JAG1: variants seen among roughly 807,000 people sequenced by gnomAD.
JAG1 encodes jagged canonical Notch ligand 1, also known as protein jagged-1.
In JAG1, 23 loss-of-function variants were observed where a neutral mutation model predicts 148.7. The ratio of observed to expected loss-of-function variants is 0.15; its 90% CI spans 0.11 to 0.22. The LOEUF (loss-of-function observed/expected upper bound fraction) is 0.22, where lower values mean the gene tolerates loss of function less well. Ranked by LOEUF, JAG1 falls within the 10% of genes least tolerant of loss-of-function variation. The pLI is 1.00. For missense variants in JAG1, 1,054 were observed against 1,611.2 expected (o/e 0.65, Z 5.92); for synonymous variants, 572 against 598.3 (o/e 0.96, Z 0.64).
At position 10,647,994 on chromosome 20, in the gene JAG1, G is replaced by A; in HGVS notation, c.1686C>T (p.His562=). 1 of 1,614,204 alleles carries A rather than the reference G, an allele frequency of 6.2e-7. No homozygotes were observed. The highest frequency in any genetic ancestry group is 8.5e-7 in the Non-Finnish European group (1 of 1,180,026). ...GGGTCGTGCGGCAGTGGTCTTTCAG[G>A]TGTGAGCAGTTCTTGCCCTCATAGT... ...PEDYEGKNCS[H]LKDHCRTTPC... Residue 562 remains histidine, a synonymous_variant, in exon 13 of 26, where the codon CAC becomes CAT. Coordinates refer to ENST00000254958, the MANE Select transcript of JAG1 (RefSeq NM_000214.3).
rs1346978493 is a variant in JAG1, at chr20:10,673,058, G to T, written c.82-52C>A. On this transcript the variant is annotated intron_variant, in intron 1 of 25. Transcript: ENST00000254958. The surrounding 1 kb of genome is among the most constrained non-coding windows in gnomAD (Gnocchi z 4.7). ...AGCGCGGGAGAAAGCTGTTTTCTTCGAGTATAGAGGTGGCGACTCCCTCCC... is the reference window on the plus strand; with the variant it reads ...AGCGCGGGAGAAAGCTGTTTTCTTCTAGTATAGAGGTGGCGACTCCCTCCC... 7.7e-6 allele frequency: 12 copies of T among 1,548,444 alleles called. No individual in the cohort carries two copies. The highest frequency in any genetic ancestry group is 9.7e-6 in the Non-Finnish European group (11 of 1,135,192).
chr20:10,649,283 G>A (rs2122610038), intron 10 of JAG1, among the ~76,000 whole-genome samples, 176 bp from the exon 11 acceptor site: 1 of 152,252 alleles, frequency 6.6e-6, no homozygotes, highest in East Asian at 1.9e-4. Context: ...CAGAATGAGG[G>A]AGTGAAACTT....
At position 10,645,168 on chromosome 20, in the gene JAG1, G is replaced by A; in HGVS notation, c.2202C>T (p.Gly734=). Residue 734 remains glycine (G), a synonymous_variant, in exon 17 of 26, where the codon GGC becomes GGT. Coordinates refer to ENST00000254958, the MANE Select transcript of JAG1 (RefSeq NM_000214.3). The surrounding 1 kb of genome is among the most constrained non-coding windows in gnomAD (Gnocchi z 6.1). ...GDAFKCMCPG[G]WEGTTCNIAR... is the part of the protein sequence containing the mutation. ...CTATGTTACAGGTTGTTCCTTCCCA[G>A]CCGCCAGGACACATGCACTTAAAAG... The A allele has an allele frequency of 6.2e-7, 1 of 1,614,144 alleles. No individual in the cohort carries two copies. The highest frequency in any genetic ancestry group is 8.5e-7 in the Non-Finnish European group (1 of 1,179,964).
chr20:10,653,826 A>C (rs1435761798), intron 5 of JAG1, among the ~76,000 whole-genome samples: 3 of 152,198 alleles, frequency 2.0e-5, no homozygotes, highest in Non-Finnish European at 4.4e-5. Context: ...CACGGCTGAG[A>C]GTCAACTTAA....
Position 10,658,672 on chromosome 20 carries a change from T to C in JAG1, c.490A>G (p.Ser164Gly). The C allele has an allele frequency of 6.2e-7, 1 of 1,614,226 alleles. No individual in the cohort carries two copies. The highest frequency in any genetic ancestry group is 1.7e-5 in the Admixed American group (1 of 60,034). ...KASHSGMINPSRQWQTLKQNT... is the reference protein window; with the variant it reads ...KASHSGMINPGRQWQTLKQNT... ...TGCTTCAGCGTCTGCCACTGCCGGC[T>C]GGGGTTGATCATGCCCGAGTGAGAA... Residue 164 changes from serine to glycine, a missense_variant, in exon 4 of 26, where the codon AGC (serine) becomes GGC (glycine). Physicochemically the swap from Ser to Gly is moderately conservative, Grantham distance 56 (BLOSUM62 0). Coordinates refer to ENST00000254958, the MANE Select transcript of JAG1 (RefSeq NM_000214.3).
Position 10,651,625 on chromosome 20 carries a change from T to C in JAG1, c.1076A>G (p.Glu359Gly), listed in dbSNP as rs759281301. 1 of 1,614,018 alleles carries C rather than the reference T, an allele frequency of 6.2e-7. No homozygotes were observed. Among genetic ancestry groups the C allele is most frequent in the South Asian group, 1.1e-5 (1 of 91,078 alleles). The change falls in exon 8 of 26, where the codon GAG (glutamate) becomes GGG (glycine). Residue 359 changes from glutamate (E) to glycine (G), a missense_variant. Glu to Gly is a moderately conservative substitution (Grantham distance 98). Coordinates refer to ENST00000254958, the MANE Select transcript of JAG1 (RefSeq NM_000214.3). ...GGTCCAGCCTGGGGAACACTCACAC[T>C]CAAAGCCCAGGGAGGTCTCCTTACA... ...GSCKETSLGFECECSPGWTGP... is the reference protein window; with the variant it reads ...GSCKETSLGFGCECSPGWTGP...
At chr20:10,646,323 G>A (rs999773752) in intron 14 of JAG1, 4 of 518,670 alleles carry the variant, frequency 7.7e-6, no homozygotes, top group African/African-American at 1.9e-5. Flanking sequence ...CTAGGTGAAA[G>A]TGGGGAAGAA....
chr20:10,661,324 G>C (rs1291486054), intron 3 of JAG1, among the ~76,000 whole-genome samples: 2 of 152,094 alleles, frequency 1.3e-5, no homozygotes, highest in Non-Finnish European at 1.5e-5. Flanking sequence ...TTTACAACTC[G>C]CTTGGGTCCC....
chr20:10,641,375 G>C, intron 23 of JAG1, 85 bp downstream of exon 23: 1 of 1,501,586 alleles, frequency 6.7e-7, no homozygotes, highest in Admixed American at 1.7e-5. Context: ...CTAGGGAGAA[G>C]TAGATCCTAG....
At chr20:10,655,057 A>G (rs145903926) in intron 5 of JAG1, among the ~76,000 whole-genome samples, 1,893 of 152,336 alleles carry the variant, frequency 0.012, 43 homozygotes, top group Admixed American at 0.056. Flanking sequence ...CATCGCCACC[A>G]ATGGGAGACA....
chr20:10,641,328 A>C, intron 23 of JAG1, 84 bp from the exon 24 acceptor site: 1 of 1,571,924 alleles, frequency 6.4e-7, no homozygotes. Flanking sequence ...AGGCTGGCTA[A>C]GTTCAAGCTT....
Position 10,639,761 on chromosome 20 carries a change from T to C in JAG1, c.3394A>G (p.Asn1132Asp). 1 of 1,613,950 alleles carries C rather than the reference T, an allele frequency of 6.2e-7. No individual in the cohort carries two copies. Among genetic ancestry groups the C allele is most frequent in the Non-Finnish European group, 8.5e-7 (1 of 1,179,816 alleles). Residue 1132 changes from asparagine to aspartate, a missense_variant, in exon 26 of 26, where the codon AAC becomes GAC. Asn to Asp is a conservative substitution (Grantham distance 23). Around this residue, in one of 6 missense-constraint regions of JAG1, gnomAD observed 177 missense variants for 177.3 expected, o/e 1.00. Coordinates refer to ENST00000254958, the MANE Select transcript of JAG1 (RefSeq NM_000214.3). ...IKNPIEKHGA[N>D]TVPIKDYENK... ...TCATAATCCTTGATGGGGACCGTGTTGGCCCCATGTTTCTCAATGGGGTTT... is the reference window on the plus strand; with the variant it reads ...TCATAATCCTTGATGGGGACCGTGTCGGCCCCATGTTTCTCAATGGGGTTT...
chr20:10,668,199 C>A (rs951400916), intron 2 of JAG1, among the ~76,000 whole-genome samples: 1 of 151,594 alleles, frequency 6.6e-6, no homozygotes, highest in Non-Finnish European at 1.5e-5. Flanking sequence ...GTGCCATGCA[C>A]CAAAGTAAAG....
intron 8 of JAG1, chr20:10,650,759 TAC>T (rs2067340419): frequency 3.8e-6 from 1 of 264,300 alleles, no homozygotes; most frequent in Non-Finnish European, 7.4e-6. Context: ...CTCATTTGCT[TAC>T]AGAGTTTGCC....
At chr20:10,643,616 A>G (rs780104474) in intron 20 of JAG1, among the ~76,000 whole-genome samples, 162 bp downstream of exon 20, 8 of 152,200 alleles carry the variant, frequency 5.3e-5, no homozygotes, top group Non-Finnish European at 1.0e-4. Context: ...GGGAGGATCC[A>G]GCCTGGCATA....
rs1380971551 is a variant in JAG1, at chr20:10,638,564, C to T, written c.*934G>A. 6.6e-6 allele frequency: 1 copy of T among 152,570 alleles called. No homozygotes were observed. The highest frequency in any genetic ancestry group is 6.5e-5 in the Admixed American group (1 of 15,282). The allele number at this position is 152,570 out of a possible 1,614,324, so 9.5% of individuals were successfully genotyped here. A position where few individuals can be genotyped will look rare whatever the true frequency, so the allele number is the denominator to read the frequency against. ...CAAAAAAACCTGTTCTAAACTAATC[C>T]TCAAACTGCCTCAGTCAGTCCTTAA... is the stretch of plus-strand genomic sequence containing the variant. On this transcript the variant is annotated 3_prime_UTR_variant, in exon 26 of 26. Coordinates refer to ENST00000254958, the MANE Select transcript of JAG1 (RefSeq NM_000214.3).
In JAG1 at chr20:10,657,035, C is replaced by T. The variant is rs138554798; in HGVS notation, c.695-577G>A. 1.9e-3 allele frequency among the ~76,000 whole-genome samples: 287 copies of T among 152,068 alleles called. 1 individual carries two copies. The highest frequency in any genetic ancestry group is 6.7e-3 in the African/African-American group (278 of 41,496). On this transcript the variant is annotated intron_variant, in intron 4 of 25. Coordinates refer to ENST00000254958, the MANE Select transcript of JAG1 (RefSeq NM_000214.3). ...ATCCTTGCAGAGCAATTCTCTACTT[C>T]GTTTAAAAAAAAGAAAAAAGTAACT...
chr20:10,656,517 C>T (rs1318648605), intron 4 of JAG1, 59 bp from the exon 5 acceptor site: 1 of 1,411,862 alleles, frequency 7.1e-7, no homozygotes. Flanking sequence ...TCGCCCCGGT[C>T]ATGAGAATGG....
At position 10,649,519 on chromosome 20, in the gene JAG1, C is replaced by T. The variant is rs368718180; in HGVS notation, c.1348+3G>A. 4.0e-5 allele frequency: 62 copies of T among 1,565,346 alleles called. No individual in the cohort carries two copies. The African/African-American group carries it at 6.3e-4, about 16-fold the overall frequency. On this transcript the variant is annotated splice_donor_region_variant and intron_variant, in intron 10 of 25. Transcript: ENST00000254958. Reference sequence around the variant, plus strand: ...AAATCAAAATGGAAACAAAGTCACTCACTTATGTCACAATTCTGACCCATC... The same window carrying T: ...AAATCAAAATGGAAACAAAGTCACTTACTTATGTCACAATTCTGACCCATC...
Sources: allele counts gnomAD v4.1 joint callset (sites outside exome capture counted in the v4.1 genomes callset), GRCh38; gene constraint gnomAD v4.1.1; regional missense constraint gnomAD v4.1.1; non-coding constraint Gnocchi (gnomAD v3.1); transcripts MANE v1.5; gene names NCBI Gene and HGNC (gene_info 2026-07-23, HGNC 2026-07-21).